FAM135B: variants seen among roughly 807,000 people sequenced by gnomAD.
FAM135B encodes the protein protein FAM135B.
A neutral mutation model predicts 127.7 loss-of-function variants in FAM135B; 43 were observed. The observed-to-expected ratio is 0.34, with a 90% confidence interval of 0.26 to 0.43. The LOEUF is 0.43. Ranked by LOEUF, FAM135B falls within the 20% of genes least tolerant of loss-of-function variation. The pLI, the probability that FAM135B is intolerant of heterozygous loss-of-function variation, is 1.00. For missense variants in FAM135B, 1,558 were observed against 1,725.6 expected, an observed-to-expected ratio of 0.90 and a Z score of 1.72; for synonymous variants, 670 against 665.1, an observed-to-expected ratio of 1.01 and a Z score of -0.11.
intron 3 of FAM135B, among the ~76,000 whole-genome samples, chr8:138,302,721 C>A (rs1357801512): frequency 6.6e-6 from 1 of 152,224 alleles, no homozygotes; most frequent in Non-Finnish European, 1.5e-5. Flanking sequence ...CCCTCCCAAG[C>A]CCACATCGCT....
At chr8:138,224,089 C>T (rs1398471986) in intron 7 of FAM135B, among the ~76,000 whole-genome samples, 1 of 152,078 alleles carries the variant, frequency 6.6e-6, no homozygotes, top group Non-Finnish European at 1.5e-5. Flanking sequence ...ATGCTCAGTA[C>T]CTGGGTGACA....
intron 1 of FAM135B, among the ~76,000 whole-genome samples, chr8:138,423,835 C>A (rs577267682): frequency 1.1e-3 from 164 of 152,100 alleles, no homozygotes; most frequent in Non-Finnish European, 2.0e-3. Context: ...ACAGCTCGAC[C>A]ATAAAAGACG....
chr8:138,160,248 G>T (rs13280336), intron 12 of FAM135B, among the ~76,000 whole-genome samples: 1 of 151,478 alleles, frequency 6.6e-6, no homozygotes, highest in Admixed American at 6.6e-5. Context: ...AATTTATGAC[G>T]CTTTCCTGAG....
At chr8:138,354,965 C>A (rs944435692) in intron 2 of FAM135B, among the ~76,000 whole-genome samples, 1 of 152,082 alleles carries the variant, frequency 6.6e-6, no homozygotes, top group Non-Finnish European at 1.5e-5. Context: ...CACCCATTAA[C>A]TCGTCATTTA....
chr8:138,353,692 T>C (rs944299952), intron 2 of FAM135B, among the ~76,000 whole-genome samples: 2 of 152,164 alleles, frequency 1.3e-5, no homozygotes, highest in African/African-American at 4.8e-5. Flanking sequence ...AGTGTACTTA[T>C]CTGTGAAATA....
intron 3 of FAM135B, among the ~76,000 whole-genome samples, chr8:138,270,305 C>G (rs577239789): frequency 1.6e-4 from 25 of 152,148 alleles, no homozygotes; most frequent in Non-Finnish European, 3.2e-4. Flanking sequence ...CCTTCCCAAC[C>G]AAGGTGATAC....
chr8:138,138,933 AGT>A lies in FAM135B; in HGVS notation c.3901+51_3901+52del, dbSNP rs1563671789. 5 of 1,077,526 alleles carry A rather than the reference AGT, an allele frequency of 4.6e-6. No homozygotes were observed. The Admixed American group carries it at 8.5e-5, about 18-fold the overall frequency. The allele number at this position is 1,077,526 out of a possible 1,614,324, so 66.7% of individuals were successfully genotyped here. ...CATTATATCTCATTTGTGTCTCAGG[AGT>A]TGAATCCCAAGCTCAAACTCATAAC... On this transcript the variant is annotated intron_variant, in intron 18 of 19. Transcript: ENST00000395297.
intron 1 of FAM135B, among the ~76,000 whole-genome samples, chr8:138,405,373 C>G (rs570265064): frequency 8.2e-6 from 1 of 121,858 alleles, no homozygotes. Context: ...CTCCCCCCAC[C>G]CCACAACAGT....
intron 3 of FAM135B, among the ~76,000 whole-genome samples, chr8:138,300,166 T>C (rs1825778037): frequency 6.6e-6 from 1 of 152,004 alleles, no homozygotes; most frequent in South Asian, 2.1e-4. Flanking sequence ...GGAATCTCTG[T>C]GAGCAGGACT....
At chr8:138,239,322 A>AT (rs1820541381) in intron 7 of FAM135B, among the ~76,000 whole-genome samples, 1 of 152,074 alleles carries the variant, frequency 6.6e-6, no homozygotes, top group Non-Finnish European at 1.5e-5. Context: ...GATGATGAGC[A>AT]TTTTTTCATG....
intron 1 of FAM135B, among the ~76,000 whole-genome samples, chr8:138,444,569 T>G (rs941692646): frequency 2.0e-5 from 3 of 151,990 alleles, no homozygotes; most frequent in African/African-American, 7.3e-5. Context: ...CATAATGAAA[T>G]GAAGGCAGAA....
At chr8:138,426,516 AAT>A (rs899689732) in intron 1 of FAM135B, among the ~76,000 whole-genome samples, 5 of 150,910 alleles carry the variant, frequency 3.3e-5, no homozygotes, top group African/African-American at 1.2e-4. Flanking sequence ...ATATATGTAT[AAT>A]ATATGTATAC....
chr8:138,484,696 C>A (rs1446286873), intron 1 of FAM135B, among the ~76,000 whole-genome samples: 3 of 152,016 alleles, frequency 2.0e-5, no homozygotes, highest in Admixed American at 6.5e-5. Context: ...TATTATCATT[C>A]TTTTTCTCCA....
At chr8:138,289,786 T>C (rs562651863) in intron 3 of FAM135B, among the ~76,000 whole-genome samples, 2 of 152,182 alleles carry the variant, frequency 1.3e-5, no homozygotes, top group African/African-American at 2.4e-5. Flanking sequence ...ATCCTGGGAG[T>C]TGGATGTCTT....
chr8:138,389,701 T>C (rs1587323935), intron 1 of FAM135B, among the ~76,000 whole-genome samples: 1 of 152,304 alleles, frequency 6.6e-6, no homozygotes, highest in East Asian at 1.9e-4. Flanking sequence ...TAAGATTTCC[T>C]TCTGAGATGA....
chr8:138,223,891 T>C (rs1435773277), intron 7 of FAM135B, among the ~76,000 whole-genome samples: 1 of 152,160 alleles, frequency 6.6e-6, no homozygotes, highest in Non-Finnish European at 1.5e-5. Context: ...TGCAGCAACA[T>C]GGATGCAGCT....
At chr8:138,256,627 A>C (rs901204850) in intron 5 of FAM135B, 62 bp downstream of exon 5, 6 of 1,357,962 alleles carry the variant, frequency 4.4e-6, no homozygotes, top group Middle Eastern at 1.8e-4. Flanking sequence ...CTATCCCAAG[A>C]GTGGGGAAGC....
At chr8:138,429,853 A>G (rs1835099518) in intron 1 of FAM135B, among the ~76,000 whole-genome samples, 1 of 152,008 alleles carries the variant, frequency 6.6e-6, no homozygotes, top group Non-Finnish European at 1.5e-5. Flanking sequence ...TTTCAGAAAC[A>G]CTCTCCAACT....
At chr8:138,460,698 C>T (rs1837070215) in intron 1 of FAM135B, among the ~76,000 whole-genome samples, 1 of 135,186 alleles carries the variant, frequency 7.4e-6, no homozygotes, top group African/African-American at 2.5e-5. Context: ...TTCTGGGAGG[C>T]TTCTGGAAGG....
Sources: gnomAD v4.1 joint callset for allele counts (sites outside exome capture counted in the v4.1 genomes callset) on GRCh38, gnomAD v4.1.1 for gene constraint, MANE v1.5 for transcripts, NCBI Gene and HGNC (gene_info 2026-07-23, HGNC 2026-07-21) for gene names.